The following PRKDC variants were observed in gnomAD, a reference collection of about 807,000 sequenced individuals.
PRKDC encodes the protein protein kinase, DNA-activated, catalytic subunit.
A neutral mutation model predicts 486.9 loss-of-function variants in PRKDC; 82 were observed. That is an observed-to-expected ratio of 0.17 (90% CI 0.14 to 0.20). PRKDC has a LOEUF of 0.20. Ranked by LOEUF, PRKDC falls within the 10% of genes least tolerant of loss-of-function variation. The probability of loss-of-function intolerance (pLI) is 1.00; values close to 1 mark genes in which losing one functional copy is unlikely to be tolerated. For synonymous variants in PRKDC, 1,895 were observed against 1,837.0 expected (o/e 1.03, Z -0.81); for missense variants, 4,504 against 5,038.2 (o/e 0.89, Z 3.21).
chr8:47,946,832 A>G lies in PRKDC; in HGVS notation c.722-2803T>C, dbSNP rs2090540274. Among the ~76,000 whole-genome samples the G allele has an allele frequency of 5.3e-5, 8 of 152,200 alleles. No individual in the cohort carries two copies. In the South Asian group the frequency reaches 1.5e-3, roughly 28 times the overall value. On this transcript the variant is annotated intron_variant, in intron 7 of 85. Transcript: ENST00000314191. ...CAAAAAACCCGGTCTCTCCCATCCC[A>G]TTCAGCTTAGGAGTCACTGCACAGC...
rs180954847 is a variant in PRKDC, at chr8:47,852,988, G to A, written c.6894-204C>T. Among the ~76,000 whole-genome samples, 15 of 152,284 alleles carry A rather than the reference G, an allele frequency of 9.9e-5. No individual in the cohort carries two copies. In the East Asian group the frequency reaches 2.3e-3, roughly 24 times the overall value. On this transcript the variant is annotated intron_variant, in intron 51 of 85. Coordinates refer to ENST00000314191, the MANE Select transcript of PRKDC (RefSeq NM_006904.7). ...CGATGTCATAACCAGAAAAGCATAG[G>A]GCAGTCTGCTGTCCCATCATGCAGA...
chr8:47,814,257 T>A (rs2087394601), intron 68 of PRKDC, among the ~76,000 whole-genome samples: 1 of 152,332 alleles, frequency 6.6e-6, no homozygotes, highest in South Asian at 2.1e-4. Context: ...TACAAAAAAA[T>A]TATTTTTTAA....
rs776527570 is a variant in PRKDC, at chr8:47,927,795, A to T, written c.2235T>A (p.Val745=). The T allele has an allele frequency of 6.3e-7, 1 of 1,581,656 alleles. No individual in the cohort carries two copies. The highest frequency in any genetic ancestry group is 8.6e-7 in the Non-Finnish European group (1 of 1,166,636). The change falls in exon 20 of 86, where the codon GTT becomes GTA. Residue 745 remains valine, a synonymous_variant. Coordinates refer to ENST00000314191, the MANE Select transcript of PRKDC (RefSeq NM_006904.7). ...SLPHNIIELD[V]RAYVPALQMA... is the part of the protein sequence containing the mutation. The stretch of plus-strand genomic sequence containing the variant: ...CCTGCAGTGCAGGAACGTAGGCTCT[A>T]ACATCGAGTTCAATGATGTTGTGTG...
At chr8:47,952,053 T>C (rs1025995144) in intron 7 of PRKDC, among the ~76,000 whole-genome samples, 2 of 152,172 alleles carry the variant, frequency 1.3e-5, no homozygotes, top group African/African-American at 2.4e-5. Context: ...AAAAACAGTA[T>C]GACGATTTCT....
At chr8:47,775,718 A>G (rs2086596655) in intron 85 of PRKDC, among the ~76,000 whole-genome samples, 1 of 152,078 alleles carries the variant, frequency 6.6e-6, no homozygotes, top group Admixed American at 6.6e-5. Flanking sequence ...ATTTTGATGA[A>G]GTCCAATGTA....
chr8:47,794,140 G>C (rs912163672), intron 74 of PRKDC, 150 bp downstream of exon 74: 1 of 658,502 alleles, frequency 1.5e-6, no homozygotes, highest in East Asian at 2.7e-5. Flanking sequence ...ACCCAGAATA[G>C]ATATATTCAA....
intron 39 of PRKDC, among the ~76,000 whole-genome samples, 154 bp downstream of exon 39, chr8:47,879,337 A>C (rs918019384): frequency 1.3e-5 from 2 of 152,220 alleles, no homozygotes; most frequent in South Asian, 4.1e-4. Flanking sequence ...AATGTACTGT[A>C]CAAGCTTTGT....
chr8:47,885,914 AAC>A lies in PRKDC; in HGVS notation c.4776+28_4776+29del, dbSNP rs758096794. The A allele has an allele frequency of 4.4e-6, 7 of 1,595,058 alleles. No homozygotes were observed. The East Asian group carries it at 1.1e-4, about 25-fold the overall frequency. ...CTCAAACAAACAAACAAACAAAAAA[AAC>A]AGTTTATTTAAAGGGAAACTTTGTT... On this transcript the variant is annotated intron_variant, in intron 36 of 85. Coordinates refer to ENST00000314191, the MANE Select transcript of PRKDC (RefSeq NM_006904.7).
At chr8:47,842,351 G>A (rs1310274838) in intron 54 of PRKDC, among the ~76,000 whole-genome samples, 1 of 152,016 alleles carries the variant, frequency 6.6e-6, no homozygotes, top group African/African-American at 2.4e-5. Flanking sequence ...ACCATATACT[G>A]GATCATAGTC....
At chr8:47,805,680 C>G (rs2087202507) in intron 69 of PRKDC, among the ~76,000 whole-genome samples, 1 of 152,076 alleles carries the variant, frequency 6.6e-6, no homozygotes, top group African/African-American at 2.4e-5. Flanking sequence ...ATATGGATGT[C>G]TTTTTAAATC....
In PRKDC at chr8:47,853,856, C is replaced by T. The variant is rs756380953; in HGVS notation, c.6893+227G>A. On this transcript the variant is annotated intron_variant, in intron 51 of 85. Transcript: ENST00000314191. ...GACAAGAATTTTTTTGGTATAGATGCGGTCTTGCTATGCTGTCCAGGCTGG... is the reference window on the plus strand; with the variant it reads ...GACAAGAATTTTTTTGGTATAGATGTGGTCTTGCTATGCTGTCCAGGCTGG... 9.2e-5 allele frequency among the ~76,000 whole-genome samples: 14 copies of T among 152,140 alleles called. No homozygotes were observed. The South Asian group carries it at 1.7e-3, about 18-fold the overall frequency.
At chr8:47,858,191 C>A (rs908808120) in intron 48 of PRKDC, among the ~76,000 whole-genome samples, 2 of 151,880 alleles carry the variant, frequency 1.3e-5, no homozygotes, top group Non-Finnish European at 2.9e-5. Flanking sequence ...CCGCTCCACC[C>A]CCCGCTTTTT....
chr8:47,803,681 G>A (rs1227858114), intron 69 of PRKDC, among the ~76,000 whole-genome samples: 1 of 152,160 alleles, frequency 6.6e-6, no homozygotes, highest in Non-Finnish European at 1.5e-5. Context: ...CAGGTTTAGT[G>A]GCTCAGGCCT....
intron 21 of PRKDC, among the ~76,000 whole-genome samples, chr8:47,924,231 T>G (rs1272797888): frequency 6.6e-6 from 1 of 152,110 alleles, no homozygotes; most frequent in African/African-American, 2.4e-5. Flanking sequence ...CGGCCCCAGG[T>G]TGGAACCAAG....
Position 47,902,596 on chromosome 8 carries a change from G to A in PRKDC, c.3242C>T (p.Ala1081Val), listed in dbSNP as rs2089707132. Residue 1081 changes from alanine (A) to valine (V), a missense_variant, in exon 27 of 86, where the codon GCC becomes GTC. Ala to Val is a moderately conservative substitution (Grantham distance 64). Transcript: ENST00000314191. ...GAATTCCCTGTAGATATTATTAAAG[G>A]CAAGTGATGCTCCCAGCCTCTTGAA... Reference protein sequence around the residue: ...NAFKRLGASLAFNNIYREFRE... With the variant: ...NAFKRLGASLVFNNIYREFRE... The A allele has an allele frequency of 6.3e-7, 1 of 1,595,704 alleles. No individual in the cohort carries two copies. The highest frequency in any genetic ancestry group is 2.2e-5 in the East Asian group (1 of 44,642).
intron 25 of PRKDC, among the ~76,000 whole-genome samples, chr8:47,909,319 T>A (rs1309641513): frequency 1.3e-5 from 2 of 152,196 alleles, no homozygotes. Flanking sequence ...TTTACTGCAG[T>A]CTCTGAACAT....
intron 64 of PRKDC, among the ~76,000 whole-genome samples, chr8:47,822,659 G>A (rs550741602): frequency 2.7e-4 from 41 of 151,388 alleles, no homozygotes; most frequent in Non-Finnish European, 5.2e-4. Context: ...GCGTGGTGGC[G>A]GGCACCTGTA....
intron 70 of PRKDC, among the ~76,000 whole-genome samples, chr8:47,802,436 T>A (rs1191991030): frequency 6.6e-6 from 1 of 151,866 alleles, no homozygotes; most frequent in East Asian, 1.9e-4. Context: ...GCTTTCTTCC[T>A]TTAATGTAGT....
Position 47,824,529 on chromosome 8 carries a change from T to C in PRKDC, c.8784-533A>G, listed in dbSNP as rs965745230. On this transcript the variant is annotated intron_variant, in intron 63 of 85. Coordinates refer to ENST00000314191, the MANE Select transcript of PRKDC (RefSeq NM_006904.7). Reference sequence around the variant, plus strand: ...GAAAATATCAAAGGTTCACAGTGTATAAGATGTGTCATTACATAAGGTTCT... The same window carrying C: ...GAAAATATCAAAGGTTCACAGTGTACAAGATGTGTCATTACATAAGGTTCT... Among the ~76,000 whole-genome samples, 103 of 143,244 alleles carry C rather than the reference T, an allele frequency of 7.2e-4. 2 individuals are homozygous for C. The highest frequency in any genetic ancestry group is 3.7e-3 in the Middle Eastern group (1 of 270). 94.0% of individuals were successfully genotyped at this position (143,244 alleles called of 152,430 possible).
Sources: allele counts gnomAD v4.1 joint callset (sites outside exome capture counted in the v4.1 genomes callset), GRCh38; gene constraint gnomAD v4.1.1; transcripts MANE v1.5; gene names NCBI Gene and HGNC (gene_info 2026-07-23, HGNC 2026-07-21).